DOCK2: variants seen among roughly 807,000 people sequenced by gnomAD.
DOCK2 encodes dedicator of cytokinesis 2.
Under a neutral mutation model 248.9 loss-of-function variants are expected in DOCK2, and 87 were observed. That is an observed-to-expected ratio of 0.35 (90% confidence interval 0.29 to 0.42). The LOEUF is 0.42. Ranked by LOEUF, DOCK2 falls within the 10% of genes least tolerant of loss-of-function variation. DOCK2 has a pLI of 1.00. For synonymous variants in DOCK2, 805 were observed against 821.6 expected (o/e 0.98, Z 0.35); for missense variants, 1,747 against 2,300.2 (o/e 0.76, Z 4.92).
chr5:170,042,877 A>G (rs2113845404), intron 38 of DOCK2, among the ~76,000 whole-genome samples: 1 of 152,320 alleles, frequency 6.6e-6, no homozygotes, highest in East Asian at 1.9e-4. Flanking sequence ...TGTCTTGCCC[A>G]CTGCTAAATG....
chr5:169,992,313 C>T (rs1173085919), intron 29 of DOCK2, among the ~76,000 whole-genome samples: 1 of 152,204 alleles, frequency 6.6e-6, no homozygotes, highest in African/African-American at 2.4e-5. Flanking sequence ...TATACAGCCG[C>T]TAAGCAACAC....
intron 30 of DOCK2, among the ~76,000 whole-genome samples, chr5:170,003,791 G>A (rs571192793): frequency 1.2e-4 from 18 of 152,318 alleles, no homozygotes; most frequent in African/African-American, 4.1e-4. Flanking sequence ...AGAAAGGCTT[G>A]GGGCAGAGGC....
At position 170,071,495 on chromosome 5, in the gene DOCK2, T is replaced by C. The variant is rs1028261926; in HGVS notation, c.4728+2275T>C. On this transcript the variant is annotated intron_variant, in intron 46 of 51. Coordinates refer to ENST00000520908, the MANE Select transcript of DOCK2 (RefSeq NM_004946.3). ...ACGTTTTTGCAGATTTCAAGATCGA[T>C]AGCTTGTTAATTTATTTTCTTTCTG... 2.0e-5 allele frequency among the ~76,000 whole-genome samples: 3 copies of C among 152,248 alleles called. No individual in the cohort carries two copies. The East Asian group carries it at 5.8e-4, about 29-fold the overall frequency.
At chr5:170,008,831 T>A (rs1019226219) in intron 32 of DOCK2, 85 bp downstream of exon 32, 34 of 1,494,310 alleles carry the variant, frequency 2.3e-5, no homozygotes, top group Non-Finnish European at 3.0e-5. Context: ...GCCACAGGGG[T>A]TTTAGCAGTG....
In DOCK2 at chr5:169,983,086, A is replaced by G. The variant is rs775177174; in HGVS notation, c.2818A>G (p.Met940Val). ...HILISHFVAC[M>V]TAILNQMGDQ... Reference sequence around the variant, plus strand: ...CTTGCAGAGTCACTTTGTGGCATGTATGACAGCCATCTTAAACCAGATGGG... The same window carrying G: ...CTTGCAGAGTCACTTTGTGGCATGTGTGACAGCCATCTTAAACCAGATGGG... Residue 940 changes from methionine (M) to valine (V), a missense_variant, in exon 28 of 52, where the codon ATG (methionine) becomes GTG (valine). Around this residue, in one of 4 missense-constraint regions of DOCK2, gnomAD observed 858 missense variants for 1,183.5 expected, o/e 0.72. Coordinates refer to ENST00000520908, the MANE Select transcript of DOCK2 (RefSeq NM_004946.3). 1.2e-6 allele frequency: 2 copies of G among 1,613,930 alleles called. No individual in the cohort carries two copies. The highest frequency in any genetic ancestry group is 8.5e-7 in the Non-Finnish European group (1 of 1,179,926).
intron 27 of DOCK2, among the ~76,000 whole-genome samples, chr5:169,971,300 G>A (rs1427766786): frequency 6.6e-6 from 1 of 152,186 alleles, no homozygotes; most frequent in African/African-American, 2.4e-5. Context: ...GCCTGCCGGG[G>A]AGCTGGGGCC....
chr5:169,759,178 A>G (rs972887991), intron 23 of DOCK2, among the ~76,000 whole-genome samples: 1 of 152,180 alleles, frequency 6.6e-6, no homozygotes, highest in African/African-American at 2.4e-5. Flanking sequence ...TATTATTCAC[A>G]AAGTGGCCAG....
intron 10 of DOCK2, among the ~76,000 whole-genome samples, chr5:169,697,067 C>G (rs1265599175): frequency 6.6e-6 from 1 of 152,080 alleles, no homozygotes; most frequent in East Asian, 1.9e-4. Context: ...TGTCTTTGTC[C>G]TCAGCTGTAG....
intron 29 of DOCK2, 126 bp from the exon 30 acceptor site, chr5:169,995,960 C>A: frequency 1.1e-6 from 1 of 921,410 alleles, no homozygotes; most frequent in Non-Finnish European, 1.6e-6. Context: ...GCTGACCTCT[C>A]TAAATCAGTA....
intron 27 of DOCK2, chr5:169,883,338 C>T (rs1439024937): frequency 1.9e-6 from 3 of 1,551,578 alleles, no homozygotes; most frequent in Admixed American, 2.0e-5. Context: ...TTCCTGCTTC[C>T]AAGCATATGC....
chr5:169,843,198 A>G (rs1770089568), intron 27 of DOCK2, among the ~76,000 whole-genome samples: 1 of 152,108 alleles, frequency 6.6e-6, no homozygotes, highest in African/African-American at 2.4e-5. Flanking sequence ...TCCTTCTTGT[A>G]CCTTTCAACA....
At chr5:169,754,647 G>A (rs1183391984) in intron 23 of DOCK2, among the ~76,000 whole-genome samples, 2 of 152,232 alleles carry the variant, frequency 1.3e-5, no homozygotes, top group East Asian at 1.9e-4. Flanking sequence ...CCCACTTGCC[G>A]AGATAGAATG....
chr5:170,076,615 G>A (rs1471406114), intron 47 of DOCK2, among the ~76,000 whole-genome samples: 5 of 152,172 alleles, frequency 3.3e-5, no homozygotes, highest in East Asian at 3.8e-4. Flanking sequence ...TGGTGCTTAC[G>A]GGGTGCTTCT....
chr5:170,066,283 A>C (rs1308000914), intron 44 of DOCK2, among the ~76,000 whole-genome samples: 2 of 151,648 alleles, frequency 1.3e-5, no homozygotes, highest in African/African-American at 4.9e-5. Context: ...TAAATGAAAA[A>C]CTGTAAAAAA....
intron 26 of DOCK2, among the ~76,000 whole-genome samples, chr5:169,809,350 A>C (rs942703255): frequency 1.3e-5 from 2 of 152,174 alleles, no homozygotes; most frequent in African/African-American, 4.8e-5. Context: ...GCTTTTGCTT[A>C]GTGCAGTGTC....
intron 27 of DOCK2, among the ~76,000 whole-genome samples, chr5:169,967,179 G>A (rs1002928300): frequency 2.0e-5 from 3 of 152,242 alleles, no homozygotes; most frequent in Admixed American, 6.5e-5. Flanking sequence ...ACTGCCATCA[G>A]TGCCATGAAA....
intron 32 of DOCK2, among the ~76,000 whole-genome samples, chr5:170,017,533 G>GA (rs1350494044): frequency 6.6e-6 from 1 of 152,076 alleles, no homozygotes; most frequent in Non-Finnish European, 1.5e-5. Flanking sequence ...GGTTCATTTT[G>GA]ACCAAACATC....
chr5:169,885,344 C>T (rs895787846), intron 27 of DOCK2, among the ~76,000 whole-genome samples: 1 of 152,158 alleles, frequency 6.6e-6, no homozygotes, highest in Non-Finnish European at 1.5e-5. Flanking sequence ...GGTGCTTAAG[C>T]AGAATTTGTT....
chr5:169,830,450 A>G (rs954088819), intron 26 of DOCK2, among the ~76,000 whole-genome samples: 24 of 152,244 alleles, frequency 1.6e-4, no homozygotes, highest in African/African-American at 5.5e-4. Flanking sequence ...AGCACATAGT[A>G]AGAATTCAAC....
Sources: allele counts gnomAD v4.1 joint callset (sites outside exome capture counted in the v4.1 genomes callset), GRCh38; gene constraint gnomAD v4.1.1; regional missense constraint gnomAD v4.1.1; transcripts MANE v1.5; gene names NCBI Gene and HGNC (gene_info 2026-07-23, HGNC 2026-07-21).